The following SLC7A14 variants were observed in gnomAD, a reference collection of about 807,000 sequenced individuals.
The protein encoded by SLC7A14 is solute carrier family 7 member 14, also known as gamma-aminobutyric acid transporter SLC7A14.
SLC7A14 carries 37 observed loss-of-function variants against 60.2 expected under a neutral mutation model. The observed-to-expected ratio is 0.61, with a 90% CI of 0.47 to 0.81. The LOEUF is 0.81. SLC7A14 is among the 30% of genes least tolerant of loss of function. SLC7A14 has a pLI of 0.00. For synonymous variants in SLC7A14, 399 were observed against 395.8 expected (o/e 1.01, Z -0.10); for missense variants, 886 against 982.7 (o/e 0.90, Z 1.32).
At chr3:170,567,407 A>G (rs1359059577) in intron 1 of SLC7A14, among the ~76,000 whole-genome samples, 4 of 150,480 alleles carry the variant, frequency 2.7e-5, no homozygotes, top group African/African-American at 7.3e-5. Flanking sequence ...CCAGTCTATC[A>G]TTGTTGGACA....
chr3:170,482,297 T>C (rs1711857621), intron 6 of SLC7A14, among the ~76,000 whole-genome samples: 1 of 152,218 alleles, frequency 6.6e-6, no homozygotes, highest in African/African-American at 2.4e-5. Flanking sequence ...GAAAAATCTT[T>C]TGGATGTGTG....
chr3:170,522,666 C>A (rs1713370335), intron 2 of SLC7A14, among the ~76,000 whole-genome samples: 2 of 152,088 alleles, frequency 1.3e-5, no homozygotes, highest in African/African-American at 2.4e-5. Flanking sequence ...AAAGAGGCAG[C>A]CTGGAGAAAT....
chr3:170,569,127 G>A (rs1714873709), intron 1 of SLC7A14, among the ~76,000 whole-genome samples: 1 of 152,160 alleles, frequency 6.6e-6, no homozygotes, highest in African/African-American at 2.4e-5. Flanking sequence ...TGCCCATTCA[G>A]TATGATATTG....
At position 170,461,575 on chromosome 3, in the gene SLC7A14, A is replaced by G. The variant is rs151185065; in HGVS notation, c.*5480T>C. 6.6e-6 allele frequency: 1 copy of G among 152,276 alleles called. No individual in the cohort carries two copies. The highest frequency in any genetic ancestry group is 1.5e-5 in the Non-Finnish European group (1 of 68,070). The allele number at this position is 152,276 out of a possible 1,614,324, so 9.4% of individuals were successfully genotyped here. A position where few individuals can be genotyped will look rare whatever the true frequency, so the allele number is the denominator to read the frequency against. ...AAGGGGCTTTTTGCTACCCATCCCC[A>G]TTCCCAGCGAGAAATACTAAGTAAA... On this transcript the variant is annotated 3_prime_UTR_variant, in exon 8 of 8. Transcript: ENST00000231706.
intron 4 of SLC7A14, chr3:170,495,517 C>T (rs748231380): frequency 4.2e-5 from 31 of 743,904 alleles, no homozygotes; most frequent in East Asian, 3.7e-4. Flanking sequence ...CGCTTTTACA[C>T]GAATGGGCCT....
At chr3:170,512,093 A>G (rs992259640) in intron 2 of SLC7A14, among the ~76,000 whole-genome samples, 1 of 152,212 alleles carries the variant, frequency 6.6e-6, no homozygotes, top group Non-Finnish European at 1.5e-5. Flanking sequence ...GGAAGCAGGC[A>G]GTGTCCCATT....
chr3:170,583,778 G>A (rs778120482), intron 1 of SLC7A14, among the ~76,000 whole-genome samples: 10 of 152,202 alleles, frequency 6.6e-5, no homozygotes, highest in Non-Finnish European at 1.3e-4. Context: ...CCATAATATT[G>A]GAGCTGAAGT....
At chr3:170,553,964 A>T (rs891444186) in intron 1 of SLC7A14, among the ~76,000 whole-genome samples, 11 of 152,168 alleles carry the variant, frequency 7.2e-5, no homozygotes, top group Non-Finnish European at 1.5e-4. Flanking sequence ...AGAAAGAAGC[A>T]GTACCCATTA....
chr3:170,506,647 C>A (rs1463773870), intron 2 of SLC7A14, among the ~76,000 whole-genome samples: 2 of 152,170 alleles, frequency 1.3e-5, no homozygotes, highest in African/African-American at 2.4e-5. Context: ...AGCCTACATG[C>A]AATGTTGACC....
chr3:170,526,876 C>T lies in SLC7A14; in HGVS notation c.61G>A (p.Ala21Thr), dbSNP rs1577538045. 6.2e-7 allele frequency: 1 copy of T among 1,613,942 alleles called. No individual in the cohort carries two copies. The highest frequency in any genetic ancestry group is 8.5e-7 in the Non-Finnish European group (1 of 1,179,948). The change falls in exon 2 of 8, where the codon GCA (alanine) becomes ACA (threonine). Residue 21 changes from alanine (A) to threonine (T), a missense_variant. By Grantham distance (58) the Ala-to-Thr change is moderately conservative. Transcript: ENST00000231706. ...RRVQWGAAWY[A>T]MHSRILRTKP... is the part of the protein sequence containing the mutation. ...GTGCGTAGGATCCTGGAGTGCATTG[C>T]ATACCAGGCAGCTCCCCACTGCACC...
chr3:170,479,303 A>G (rs1711735267), intron 7 of SLC7A14, among the ~76,000 whole-genome samples: 1 of 152,194 alleles, frequency 6.6e-6, no homozygotes, highest in South Asian at 2.1e-4. Flanking sequence ...ATTTGTTATC[A>G]GAGACCCCAG....
At chr3:170,559,799 A>G (rs995445712) in intron 1 of SLC7A14, among the ~76,000 whole-genome samples, 3 of 152,206 alleles carry the variant, frequency 2.0e-5, no homozygotes, top group Non-Finnish European at 4.4e-5. Context: ...TGTCTTCAGT[A>G]AGTGGGAACC....
chr3:170,530,215 T>C (rs1344099624), intron 1 of SLC7A14, among the ~76,000 whole-genome samples: 1 of 152,170 alleles, frequency 6.6e-6, no homozygotes, highest in African/African-American at 2.4e-5. Flanking sequence ...TCTGTGGACA[T>C]GGCATTGGCT....
At chr3:170,573,301 G>A (rs1441615160) in intron 1 of SLC7A14, among the ~76,000 whole-genome samples, 6 of 152,152 alleles carry the variant, frequency 3.9e-5, no homozygotes. Context: ...ACTCTCCAAA[G>A]GAGACCAACA....
chr3:170,572,467 C>T (rs544781306), intron 1 of SLC7A14, among the ~76,000 whole-genome samples: 4 of 152,168 alleles, frequency 2.6e-5, no homozygotes, highest in African/African-American at 9.6e-5. Context: ...ATATAGCTGT[C>T]AAATTATTCT....
In SLC7A14 at chr3:170,467,271, G is replaced by A. The variant is rs1560245527; in HGVS notation, c.2100C>T (p.Asp700=). The change falls in exon 8 of 8, where the codon GAC becomes GAT. Residue 700 remains aspartate, a synonymous_variant. Coordinates refer to ENST00000231706, the MANE Select transcript of SLC7A14 (RefSeq NM_020949.3). ...QSTYQRYDVD[D]PFSVEEGFSY... ...AGAAACCCTCCTCCACTGAGAAGGGGTCATCCACGTCGTAGCGTTGGTACG... is the reference window on the plus strand; with the variant it reads ...AGAAACCCTCCTCCACTGAGAAGGGATCATCCACGTCGTAGCGTTGGTACG... 6 of 1,614,234 alleles carry A rather than the reference G, an allele frequency of 3.7e-6. No individual in the cohort carries two copies. The East Asian group carries it at 8.9e-5, about 24-fold the overall frequency.
In SLC7A14 at chr3:170,532,543, T is replaced by C. The variant is rs1713709183; in HGVS notation, c.-152-5455A>G. On this transcript the variant is annotated intron_variant, in intron 1 of 7. Coordinates refer to ENST00000231706, the MANE Select transcript of SLC7A14 (RefSeq NM_020949.3). The surrounding 1 kb of genome is among the most constrained non-coding windows in gnomAD (Gnocchi z 4.0). ...TGTAAAATGGGATCACAGTGGTACC[T>C]AGCTCACAGGGTTGTGGTGAGGAGT... 6.6e-6 allele frequency among the ~76,000 whole-genome samples: 1 copy of C among 152,238 alleles called. No homozygotes were observed. The highest frequency in any genetic ancestry group is 2.1e-4 in the South Asian group (1 of 4,836).
intron 1 of SLC7A14, among the ~76,000 whole-genome samples, chr3:170,533,154 C>T (rs1243429155): frequency 2.0e-5 from 3 of 152,160 alleles, no homozygotes; most frequent in Non-Finnish European, 4.4e-5. Context: ...TGGATCCTCT[C>T]CTGAAGTCCT....
At chr3:170,519,678 A>G (rs1165112587) in intron 2 of SLC7A14, among the ~76,000 whole-genome samples, 1 of 152,202 alleles carries the variant, frequency 6.6e-6, no homozygotes, top group Non-Finnish European at 1.5e-5. Flanking sequence ...CATGAGGCTG[A>G]GGCAGGAGAA....
Sources: gnomAD v4.1 joint callset for allele counts (sites outside exome capture counted in the v4.1 genomes callset) on GRCh38, gnomAD v4.1.1 for gene constraint, Gnocchi (gnomAD v3.1) non-coding constraint, MANE v1.5 for transcripts, NCBI Gene and HGNC (gene_info 2026-07-23, HGNC 2026-07-21) for gene names.